CNTNAP2: variants seen among roughly 807,000 people sequenced by gnomAD.
CNTNAP2 encodes contactin-associated protein-like 2.
A neutral mutation model predicts 155.2 loss-of-function variants in CNTNAP2; 98 were observed. That is an observed-to-expected ratio of 0.63 (90% CI 0.54 to 0.75). CNTNAP2 has a LOEUF of 0.75. Ranked by LOEUF, CNTNAP2 falls within the 30% of genes least tolerant of loss-of-function variation. The pLI is 0.00. For missense variants in CNTNAP2, 1,727 were observed against 1,688.1 expected (o/e 1.02, Z -0.40); for synonymous variants, 651 against 631.2 (o/e 1.03, Z -0.47).
intron 13 of CNTNAP2, among the ~76,000 whole-genome samples, chr7:147,892,593 A>G (rs1041463843): frequency 1.3e-5 from 2 of 152,218 alleles, no homozygotes; most frequent in Admixed American, 1.3e-4. Context: ...TGTCACTTAA[A>G]TTCCATTCAA....
At chr7:148,364,001 C>G (rs1798679586) in intron 21 of CNTNAP2, among the ~76,000 whole-genome samples, 1 of 152,220 alleles carries the variant, frequency 6.6e-6, no homozygotes, top group South Asian at 2.1e-4. Context: ...TGCCGGCCCA[C>G]CGGCGCTGCG....
chr7:147,936,392 T>C (rs1800608688), intron 14 of CNTNAP2, among the ~76,000 whole-genome samples: 1 of 151,902 alleles, frequency 6.6e-6, no homozygotes. Flanking sequence ...GTCACTTCAG[T>C]ATGACTTAAT....
chr7:147,733,644 C>T lies in CNTNAP2; in HGVS notation c.2098+94338C>T, dbSNP rs890214995. Among the ~76,000 whole-genome samples the T allele has an allele frequency of 8.7e-4, 133 of 152,240 alleles. 1 individual carries two copies. Among genetic ancestry groups the T allele is most frequent in the African/African-American group, 3.2e-3 (131 of 41,554 alleles). On this transcript the variant is annotated intron_variant, in intron 13 of 23. Transcript: ENST00000361727. Reference sequence around the variant, plus strand: ...ATTTTCATGATATTGATTCTTCCTACCCATGAGCATGGAATGTTCTTCCAT... The same window carrying T: ...ATTTTCATGATATTGATTCTTCCTATCCATGAGCATGGAATGTTCTTCCAT...
chr7:147,115,082 T>G (rs762161725), intron 5 of CNTNAP2, among the ~76,000 whole-genome samples: 7 of 152,204 alleles, frequency 4.6e-5, no homozygotes, highest in Non-Finnish European at 7.3e-5. Context: ...TTAGTTTGAC[T>G]GGATGTGAAG....
intron 15 of CNTNAP2, among the ~76,000 whole-genome samples, chr7:148,036,097 T>C (rs760749990): frequency 6.6e-6 from 1 of 152,250 alleles, no homozygotes; most frequent in Non-Finnish European, 1.5e-5. Flanking sequence ...CACAGGCTCA[T>C]AGCTAGAGGG....
At chr7:146,295,093 A>C in intron 1 of CNTNAP2, among the ~76,000 whole-genome samples, 1 of 152,208 alleles carries the variant, frequency 6.6e-6, no homozygotes, top group East Asian at 1.9e-4. Flanking sequence ...ACAGAAAGTC[A>C]TAAGTTTACA....
intron 8 of CNTNAP2, among the ~76,000 whole-genome samples, chr7:147,207,563 C>G (rs1011190398): frequency 2.0e-5 from 3 of 151,974 alleles, no homozygotes; most frequent in African/African-American, 7.3e-5. Context: ...ATTCAATTTT[C>G]TAGACATAGT....
intron 2 of CNTNAP2, among the ~76,000 whole-genome samples, chr7:146,785,529 A>G (rs539587859): frequency 3.3e-5 from 5 of 152,304 alleles, no homozygotes; most frequent in East Asian, 1.9e-4. Context: ...TCAAATACTC[A>G]TTGCTTATAT....
At chr7:148,098,107 T>C (rs1804010805) in intron 15 of CNTNAP2, among the ~76,000 whole-genome samples, 2 of 151,986 alleles carry the variant, frequency 1.3e-5, no homozygotes. Flanking sequence ...GTGGGAAGTG[T>C]TCTGGGCAGA....
At chr7:146,679,843 C>G (rs1392512776) in intron 1 of CNTNAP2, among the ~76,000 whole-genome samples, 3 of 152,018 alleles carry the variant, frequency 2.0e-5, no homozygotes, top group African/African-American at 7.2e-5. Context: ...CAGTTTAAAT[C>G]TTTATACTTA....
intron 15 of CNTNAP2, among the ~76,000 whole-genome samples, chr7:148,088,592 A>G (rs1049826622): frequency 3.3e-5 from 5 of 151,890 alleles, no homozygotes; most frequent in African/African-American, 4.8e-5. Flanking sequence ...TTAGTCTCAT[A>G]GAACCCACCA....
chr7:148,392,688 C>A (rs1027336918), intron 22 of CNTNAP2, among the ~76,000 whole-genome samples: 1 of 152,072 alleles, frequency 6.6e-6, no homozygotes, highest in Non-Finnish European at 1.5e-5. Context: ...TCTCCACCTC[C>A]CCCAGAACCA....
At chr7:147,199,686 T>C (rs1584788326) in intron 8 of CNTNAP2, among the ~76,000 whole-genome samples, 1 of 152,042 alleles carries the variant, frequency 6.6e-6, no homozygotes, top group African/African-American at 2.4e-5. Context: ...TGTGGATGAA[T>C]ATTGAGATTC....
At chr7:146,595,795 A>C (rs756819827) in intron 1 of CNTNAP2, among the ~76,000 whole-genome samples, 15 of 152,046 alleles carry the variant, frequency 9.9e-5, no homozygotes, top group Non-Finnish European at 1.6e-4. Flanking sequence ...TACATAAATC[A>C]AAGTTGTTTC....
chr7:148,305,675 G>A (rs1267713575), intron 21 of CNTNAP2, among the ~76,000 whole-genome samples: 2 of 152,168 alleles, frequency 1.3e-5, no homozygotes, highest in Non-Finnish European at 2.9e-5. Context: ...CGAGTGAGCT[G>A]GGATCTGCCA....
chr7:147,008,818 CT>C (rs1798571910), intron 3 of CNTNAP2, among the ~76,000 whole-genome samples: 1 of 151,946 alleles, frequency 6.6e-6, no homozygotes, highest in Non-Finnish European at 1.5e-5. Context: ...TTCTCTGTAC[CT>C]TGTTGTCTCG....
intron 1 of CNTNAP2, among the ~76,000 whole-genome samples, chr7:146,733,422 CAA>C (rs556362811): frequency 3.4e-5 from 5 of 147,618 alleles, no homozygotes; most frequent in African/African-American, 1.2e-4. Context: ...CTGCAAAAAA[CAA>C]AAAACAAGAA....
At chr7:147,523,841 T>A (rs1384295580) in intron 11 of CNTNAP2, among the ~76,000 whole-genome samples, 1 of 152,168 alleles carries the variant, frequency 6.6e-6, no homozygotes, top group African/African-American at 2.4e-5. Flanking sequence ...TAATTGAACA[T>A]AACAGAATTT....
intron 8 of CNTNAP2, among the ~76,000 whole-genome samples, chr7:147,256,930 C>A (rs1446482065): frequency 4.0e-5 from 6 of 150,906 alleles, no homozygotes; most frequent in Non-Finnish European, 8.8e-5. Context: ...TGATAATTTA[C>A]AATTCTTAAG....
Sources: allele counts gnomAD v4.1 joint callset (sites outside exome capture counted in the v4.1 genomes callset), GRCh38; gene constraint gnomAD v4.1.1; transcripts MANE v1.5; gene names NCBI Gene and HGNC (gene_info 2026-07-23, HGNC 2026-07-21).